Variants in UBE2QL1 observed in about 807,000 individuals in gnomAD.
The protein encoded by UBE2QL1 is ubiquitin-conjugating enzyme E2Q-like protein 1.
UBE2QL1 carries 5 observed loss-of-function variants against 12.6 expected under a neutral mutation model. The observed-to-expected ratio is 0.40, with a 90% CI of 0.21 to 0.83. The LOEUF is 0.83. UBE2QL1 is among the 40% of genes least tolerant of loss of function. The pLI is 0.37. For missense variants in UBE2QL1, 99 were observed against 222.6 expected (o/e 0.44, Z 3.53); for synonymous variants, 96 against 94.5 (o/e 1.02, Z -0.10).
intron 1 of UBE2QL1, among the ~76,000 whole-genome samples, chr5:6,488,090 A>G (rs1041223899): frequency 2.0e-5 from 3 of 152,252 alleles, no homozygotes; most frequent in African/African-American, 7.2e-5. Flanking sequence ...AGATGCGATG[A>G]GAGCTCCTTA....
rs927003570 is a variant in UBE2QL1 at position 6,494,281 on chromosome 5, G to C, written c.*2932G>C. The stretch of plus-strand genomic sequence containing the variant: ...GCTTATGCCTTAGGGAGTTCTATGT[G>C]AGCAGCAAGGTTATTCCCCCTAGTT... On this transcript the variant is annotated 3_prime_UTR_variant, in exon 2 of 2. Coordinates refer to ENST00000399816, the MANE Select transcript of UBE2QL1 (RefSeq NM_001145161.3). 1.3e-5 allele frequency: 2 copies of C among 152,154 alleles called. No individual in the cohort carries two copies. Among genetic ancestry groups the C allele is most frequent in the Non-Finnish European group, 2.9e-5 (2 of 68,042 alleles). The allele number at this position is 152,154 out of a possible 1,614,324, so 9.4% of individuals were successfully genotyped here.
rs1734651245 is a variant in UBE2QL1, at chr5:6,495,500, T to C, written c.*4151T>C. ...AGTAGGACAGGAGCCACAAGGCCAC[T>C]GCCTTACTGTGGCTTTCTGATCCTT... On this transcript the variant is annotated 3_prime_UTR_variant, in exon 2 of 2. Coordinates refer to ENST00000399816, the MANE Select transcript of UBE2QL1 (RefSeq NM_001145161.3). Among the ~76,000 whole-genome samples the C allele has an allele frequency of 6.6e-6, 1 of 152,198 alleles. No individual in the cohort carries two copies. The highest frequency in any genetic ancestry group is 1.5e-5 in the Non-Finnish European group (1 of 68,038).
Position 6,496,140 on chromosome 5 carries a change from C to A in UBE2QL1, c.*4791C>A, listed in dbSNP as rs959322342. On this transcript the variant is annotated 3_prime_UTR_variant, in exon 2 of 2. Transcript: ENST00000399816. ...CCGTCCTCCCAGGTCAGTAAGGCCG[C>A]ATGGAGGGATAAAGAGATCCCTGCA... is the stretch of plus-strand genomic sequence containing the variant. 1.3e-5 allele frequency among the ~76,000 whole-genome samples: 2 copies of A among 152,180 alleles called. No individual in the cohort carries two copies. Among genetic ancestry groups the A allele is most frequent in the African/African-American group, 4.8e-5 (2 of 41,446 alleles).
intron 1 of UBE2QL1, among the ~76,000 whole-genome samples, chr5:6,487,077 A>G (rs1429890030): frequency 6.6e-6 from 1 of 152,212 alleles, no homozygotes; most frequent in Non-Finnish European, 1.5e-5. Context: ...TGTTTGACCC[A>G]GCACCTAACA....
At chr5:6,470,019 G>A (rs1739876379) in intron 1 of UBE2QL1, among the ~76,000 whole-genome samples, 2 of 152,190 alleles carry the variant, frequency 1.3e-5, no homozygotes, top group African/African-American at 4.8e-5. Context: ...AGACAACAGC[G>A]ATGCCGGGGC....
At chr5:6,475,411 C>G (rs1313266228) in intron 1 of UBE2QL1, among the ~76,000 whole-genome samples, 1 of 68,350 alleles carries the variant, frequency 1.5e-5, no homozygotes, top group Non-Finnish European at 4.9e-5. Context: ...CCCGAATTTG[C>G]TTTGTCTACA....
At chr5:6,449,871 C>A (rs1256872706) in intron 1 of UBE2QL1, among the ~76,000 whole-genome samples, 1 of 146,128 alleles carries the variant, frequency 6.8e-6, no homozygotes, top group African/African-American at 2.6e-5. Context: ...CTCCCCAACC[C>A]CCCCCACACA....
intron 1 of UBE2QL1, among the ~76,000 whole-genome samples, chr5:6,468,307 C>T (rs139508783): frequency 1.2e-4 from 18 of 152,268 alleles, no homozygotes; most frequent in South Asian, 6.2e-4. Context: ...TCAGGGAAGC[C>T]GGTCATCCTC....
chr5:6,449,461 T>C (rs1236834422), intron 1 of UBE2QL1, among the ~76,000 whole-genome samples: 1 of 152,104 alleles, frequency 6.6e-6, no homozygotes, highest in African/African-American at 2.4e-5. Flanking sequence ...GTCCCGTCTC[T>C]CCCGTCCCCG....
intron 1 of UBE2QL1, among the ~76,000 whole-genome samples, chr5:6,485,471 A>G (rs1191441770): frequency 6.6e-6 from 1 of 152,200 alleles, no homozygotes; most frequent in Non-Finnish European, 1.5e-5. Flanking sequence ...GCTTGTAAGC[A>G]TTGGTTTTCC....
chr5:6,487,591 A>G (rs1222041410), intron 1 of UBE2QL1, among the ~76,000 whole-genome samples: 1 of 134,132 alleles, frequency 7.5e-6, no homozygotes, highest in Non-Finnish European at 1.5e-5. Flanking sequence ...GAGTTATTCA[A>G]AGGAAATATC....
At chr5:6,484,968 C>G (rs182855149) in intron 1 of UBE2QL1, among the ~76,000 whole-genome samples, 14 of 152,186 alleles carry the variant, frequency 9.2e-5, no homozygotes, top group Admixed American at 8.5e-4. Flanking sequence ...AGCCATTCCA[C>G]AGCAGGGAGG....
At chr5:6,449,318 C>T in intron 1 of UBE2QL1, 71 bp downstream of exon 1, 1 of 1,283,728 alleles carries the variant, frequency 7.8e-7, no homozygotes, top group Non-Finnish European at 9.8e-7. Flanking sequence ...GGCGCCCGGG[C>T]CCCGTGGTGA....
At chr5:6,466,122 C>A (rs1739785942) in intron 1 of UBE2QL1, among the ~76,000 whole-genome samples, 1 of 152,108 alleles carries the variant, frequency 6.6e-6, no homozygotes, top group Admixed American at 6.5e-5. Context: ...GAGGCCTCCC[C>A]ACTGACTCGG....
At chr5:6,467,181 G>GCTCT (rs1739816049) in intron 1 of UBE2QL1, among the ~76,000 whole-genome samples, 1 of 151,564 alleles carries the variant, frequency 6.6e-6, no homozygotes, top group South Asian at 2.1e-4. Flanking sequence ...CTCCCTCCCT[G>GCTCT]CTCTCTCTCC....
chr5:6,471,055 A>G (rs28589510), intron 1 of UBE2QL1, among the ~76,000 whole-genome samples: 10,142 of 152,276 alleles, frequency 0.067, 392 homozygotes, highest in Middle Eastern at 0.1. Flanking sequence ...CAGGTGTAGC[A>G]TCTTTCATAC....
intron 1 of UBE2QL1, among the ~76,000 whole-genome samples, chr5:6,450,176 G>A (rs1251336369): frequency 1.4e-5 from 2 of 145,092 alleles, no homozygotes; most frequent in African/African-American, 2.6e-5. Flanking sequence ...TGGGGTAGAC[G>A]TTCCAGGTCT....
In UBE2QL1 at chr5:6,495,264, T is replaced by G. The variant is rs1370138212; in HGVS notation, c.*3915T>G. Among the ~76,000 whole-genome samples the G allele has an allele frequency of 6.6e-6, 1 of 152,176 alleles. No homozygotes were observed. Among genetic ancestry groups the G allele is most frequent in the East Asian group, 1.9e-4 (1 of 5,196 alleles). ...TCCCACCTGACAGCCTAGCCTGGCGTGTGGAGCTTGCCCTGTGTGTAGCAA... is the reference window on the plus strand; with the variant it reads ...TCCCACCTGACAGCCTAGCCTGGCGGGTGGAGCTTGCCCTGTGTGTAGCAA... On this transcript the variant is annotated 3_prime_UTR_variant, in exon 2 of 2. Transcript: ENST00000399816.
intron 1 of UBE2QL1, among the ~76,000 whole-genome samples, chr5:6,475,464 T>C (rs1734210774): frequency 6.6e-6 from 1 of 152,212 alleles, no homozygotes; most frequent in African/African-American, 2.4e-5. Context: ...CCCTATTTCC[T>C]TGCAAACATA....
Sources: gnomAD v4.1 joint callset for allele counts (sites outside exome capture counted in the v4.1 genomes callset) on GRCh38, gnomAD v4.1.1 for gene constraint, MANE v1.5 for transcripts, NCBI Gene and HGNC (gene_info 2026-07-23, HGNC 2026-07-21) for gene names.